The following ZPLD1 variants were observed in gnomAD, a reference collection of about 807,000 sequenced individuals.
ZPLD1 encodes zona pellucida-like domain-containing protein 1.
In ZPLD1, 34 loss-of-function variants were observed where a neutral mutation model predicts 47.2. The observed-to-expected ratio is 0.72, with a 90% CI of 0.55 to 0.96. ZPLD1 has a LOEUF of 0.96. Among genes scored for constraint, ZPLD1 ranks in the 40% least tolerant of loss-of-function variants. ZPLD1 has a pLI of 0.00. For synonymous variants in ZPLD1, 176 were observed against 186.2 expected (o/e 0.95, Z 0.45); for missense variants, 512 against 505.8 (o/e 1.01, Z -0.12).
chr3:102,424,980 T>A (rs927673949), intron 8 of ZPLD1, among the ~76,000 whole-genome samples: 2 of 151,142 alleles, frequency 1.3e-5, no homozygotes, highest in African/African-American at 4.9e-5. Context: ...GTAGGTAGTT[T>A]GAAAAATAGC....
chr3:102,439,390 C>T (rs968143670), intron 3 of ZPLD1, among the ~76,000 whole-genome samples: 4 of 152,114 alleles, frequency 2.6e-5, no homozygotes, highest in Non-Finnish European at 4.4e-5. Flanking sequence ...AGATAAAGTG[C>T]GATTTCTACA....
intron 7 of ZPLD1, among the ~76,000 whole-genome samples, chr3:102,395,804 C>A (rs1374506454): frequency 6.6e-6 from 1 of 152,150 alleles, no homozygotes; most frequent in Non-Finnish European, 1.5e-5. Context: ...ACAACCATTT[C>A]TTCTATGAAC....
Position 102,470,406 on chromosome 3 carries a change from A to G in ZPLD1, c.946A>G (p.Arg316Gly). Reference sequence around the variant, plus strand: ...ATTAACACCTCAGATTTGCAGCCACAGAGAAAGGAGAGATGCTGGGAGGAG... The same window carrying G: ...ATTAACACCTCAGATTTGCAGCCACGGAGAAAGGAGAGATGCTGGGAGGAG... ...CPFLMPICSH[R>G]ERRDAGRRTT... Residue 316 changes from arginine to glycine, a missense_variant, in exon 10 of 12, where the codon AGA (arginine) becomes GGA (glycine). Physicochemically the swap from Arg to Gly is moderately radical, Grantham distance 125. Transcript: ENST00000466937. 1.9e-6 allele frequency: 3 copies of G among 1,614,020 alleles called. No individual in the cohort carries two copies. The highest frequency in any genetic ancestry group is 2.5e-6 in the Non-Finnish European group (3 of 1,179,910).
chr3:102,422,928 T>C (rs1201022596), intron 8 of ZPLD1, among the ~76,000 whole-genome samples: 4 of 152,060 alleles, frequency 2.6e-5, no homozygotes, highest in African/African-American at 4.8e-5. Flanking sequence ...AGTCTATTTA[T>C]AGGATTCATC....
Position 102,388,588 on chromosome 3 carries a change from T to C in ZPLD1, c.-213+3271T>C, listed in dbSNP as rs574091202. Among the ~76,000 whole-genome samples the C allele has an allele frequency of 3.5e-4, 53 of 152,234 alleles. 1 individual carries two copies. The South Asian group carries it at 0.011, about 32-fold the overall frequency. On this transcript the variant is annotated intron_variant, in intron 6 of 17. Transcript: ENST00000491959. ...TAAATTATGTCAGTTTCCTCCGGAATGACATTTTCCTGTTTACCACTAGTT... is the reference window on the plus strand; with the variant it reads ...TAAATTATGTCAGTTTCCTCCGGAACGACATTTTCCTGTTTACCACTAGTT...
intron 8 of ZPLD1, 90 bp from the exon 9 acceptor site, chr3:102,468,874 G>C: frequency 1.6e-6 from 2 of 1,226,366 alleles, no homozygotes; most frequent in South Asian, 1.6e-5. Context: ...ATGTAATGGC[G>C]GAGTCTTAAT....
chr3:102,408,668 TA>T (rs1706718621), intron 7 of ZPLD1, among the ~76,000 whole-genome samples: 1 of 151,782 alleles, frequency 6.6e-6, no homozygotes, highest in South Asian at 2.1e-4. Flanking sequence ...AGAAACAGTC[TA>T]AAAAAAGAAT....
intron 11 of ZPLD1, 129 bp downstream of exon 11, chr3:102,477,170 G>T: frequency 9.2e-7 from 1 of 1,086,070 alleles, no homozygotes; most frequent in Non-Finnish European, 1.4e-6. Context: ...GTTCACTGAG[G>T]GTTTTCAAAC....
chr3:102,440,095 A>C (rs1707152625), intron 3 of ZPLD1, among the ~76,000 whole-genome samples: 1 of 152,202 alleles, frequency 6.6e-6, no homozygotes, highest in Admixed American at 6.5e-5. Context: ...AAGTAAATTC[A>C]AGTCAATTAT....
At chr3:102,445,188 G>A (rs559431264) in intron 3 of ZPLD1, among the ~76,000 whole-genome samples, 27 of 152,292 alleles carry the variant, frequency 1.8e-4, no homozygotes, top group Non-Finnish European at 2.2e-4. Flanking sequence ...AAGAGAAGAG[G>A]CTGATCCTGT....
intron 7 of ZPLD1, among the ~76,000 whole-genome samples, chr3:102,415,738 G>T (rs1706798108): frequency 6.6e-6 from 1 of 151,788 alleles, no homozygotes; most frequent in South Asian, 2.1e-4. Context: ...AGCTCCCTGT[G>T]ACAAGGAGGG....
chr3:102,391,092 T>A (rs1031572372), intron 6 of ZPLD1, among the ~76,000 whole-genome samples: 1 of 152,184 alleles, frequency 6.6e-6, no homozygotes, highest in Non-Finnish European at 1.5e-5. Context: ...TCTTAACTCA[T>A]TTTATACAAC....
intron 7 of ZPLD1, among the ~76,000 whole-genome samples, chr3:102,399,388 G>C (rs1297344212): frequency 6.6e-6 from 1 of 151,896 alleles, no homozygotes; most frequent in African/African-American, 2.4e-5. Flanking sequence ...TTCAGTCATG[G>C]GTGGCCTTCA....
chr3:102,427,652 G>T (rs1706964061), intron 8 of ZPLD1, among the ~76,000 whole-genome samples: 1 of 152,112 alleles, frequency 6.6e-6, no homozygotes, highest in Non-Finnish European at 1.5e-5. Context: ...GAAGTAGTTG[G>T]CAGTAAGGCC....
intron 8 of ZPLD1, among the ~76,000 whole-genome samples, chr3:102,424,244 AT>A (rs1380801811): frequency 6.6e-6 from 1 of 152,032 alleles, no homozygotes; most frequent in Admixed American, 6.6e-5. Flanking sequence ...GAATATACAT[AT>A]TTTTTGCATT....
intron 7 of ZPLD1, among the ~76,000 whole-genome samples, chr3:102,462,961 G>T (rs1161786968): frequency 6.6e-6 from 1 of 152,086 alleles, no homozygotes; most frequent in Non-Finnish European, 1.5e-5. Flanking sequence ...GGTTGCTTAT[G>T]TATTACTATT....
chr3:102,453,822 T>G (rs1707374731), intron 4 of ZPLD1, among the ~76,000 whole-genome samples: 1 of 152,252 alleles, frequency 6.6e-6, no homozygotes, highest in Non-Finnish European at 1.5e-5. Context: ...ATTTGTTTAC[T>G]AATGCATTGA....
chr3:102,404,091 G>A (rs921349226), intron 7 of ZPLD1, among the ~76,000 whole-genome samples: 2 of 151,832 alleles, frequency 1.3e-5, no homozygotes, highest in Admixed American at 6.6e-5. Context: ...CTATATTCCC[G>A]TGTCACTCTT....
chr3:102,453,164 C>T, intron 4 of ZPLD1, 25 bp downstream of exon 4: 1 of 1,599,084 alleles, frequency 6.3e-7, no homozygotes, highest in Non-Finnish European at 8.6e-7. Flanking sequence ...ACATTGTGTG[C>T]TAGGTCTGGG....
Sources: gnomAD v4.1 joint callset for allele counts (sites outside exome capture counted in the v4.1 genomes callset) on GRCh38, gnomAD v4.1.1 for gene constraint, MANE v1.5 for transcripts, NCBI Gene and HGNC (gene_info 2026-07-23, HGNC 2026-07-21) for gene names.